Variants in MEI4 observed in about 807,000 individuals in gnomAD.
MEI4 encodes the protein meiosis-specific protein MEI4.
In MEI4, 27 loss-of-function variants were observed where a neutral mutation model predicts 31.4. That is an observed-to-expected ratio of 0.86 (90% confidence interval 0.63 to 1.19). The LOEUF is 1.19. Among genes scored for constraint, MEI4 ranks in the 50% most tolerant of loss-of-function variants. MEI4 has a pLI of 0.00. For synonymous variants in MEI4, 122 were observed against 145.4 expected (o/e 0.84, Z 1.16); for missense variants, 329 against 398.9 (o/e 0.82, Z 1.49).
intron 3 of MEI4, among the ~76,000 whole-genome samples, chr6:77,762,091 T>A (rs1352632101): frequency 6.6e-6 from 1 of 152,176 alleles, no homozygotes; most frequent in Non-Finnish European, 1.5e-5. Context: ...CTGTATTGAA[T>A]TTGCTCTTTT....
chr6:77,704,866 C>T (rs1035200013), intron 2 of MEI4, among the ~76,000 whole-genome samples: 4 of 152,016 alleles, frequency 2.6e-5, no homozygotes, highest in African/African-American at 9.7e-5. Flanking sequence ...GATTTGTAGG[C>T]CGGCTTCTGA....
intron 2 of MEI4, among the ~76,000 whole-genome samples, chr6:77,745,056 A>G (rs920955010): frequency 6.6e-6 from 1 of 152,236 alleles, no homozygotes; most frequent in Non-Finnish European, 1.5e-5. Flanking sequence ...AGGAAACTGC[A>G]TCAACTGAGA....
intron 1 of MEI4, among the ~76,000 whole-genome samples, chr6:77,688,622 A>T (rs961198796): frequency 6.6e-6 from 1 of 152,102 alleles, no homozygotes; most frequent in South Asian, 2.1e-4. Flanking sequence ...TGTTTTTATT[A>T]TCCAGAGAAC....
At chr6:77,685,586 C>A (rs1385310203) in intron 1 of MEI4, among the ~76,000 whole-genome samples, 5 of 152,016 alleles carry the variant, frequency 3.3e-5, no homozygotes, top group Admixed American at 1.3e-4. Flanking sequence ...ACTTTTGTTG[C>A]CTGTCCTTCT....
chr6:77,803,885 G>T (rs1769348764), intron 3 of MEI4, among the ~76,000 whole-genome samples: 1 of 152,174 alleles, frequency 6.6e-6, no homozygotes, highest in African/African-American at 2.4e-5. Flanking sequence ...TGCCCCTACT[G>T]GGGGTTGCCT....
At chr6:77,731,304 T>C (rs1766983467) in intron 2 of MEI4, among the ~76,000 whole-genome samples, 3 of 148,908 alleles carry the variant, frequency 2.0e-5, no homozygotes, top group South Asian at 4.3e-4. Flanking sequence ...TTCCTGACTT[T>C]TTAATGATTG....
intron 2 of MEI4, among the ~76,000 whole-genome samples, chr6:77,692,246 T>C (rs1769171035): frequency 6.6e-6 from 1 of 152,072 alleles, no homozygotes; most frequent in Non-Finnish European, 1.5e-5. Flanking sequence ...ATTCCTTGAC[T>C]CCTCTAGTGG....
Position 77,668,266 on chromosome 6 carries a change from A to G in MEI4, c.-15+15174A>G, listed in dbSNP as rs552603073. On this transcript the variant is annotated intron_variant, in intron 1 of 4. Transcript: ENST00000684080. ...GTTTGCTTTAGGTCCTTGGAGGGTG[A>G]TTTGGGAAAGTGAACATTATACTCT... Among the ~76,000 whole-genome samples the G allele has an allele frequency of 5.3e-5, 8 of 152,290 alleles. No homozygotes were observed. The East Asian group carries it at 1.5e-3, about 29-fold the overall frequency.
intron 2 of MEI4, 92 bp downstream of exon 2, chr6:77,690,995 A>T (rs1769147152): frequency 1.5e-6 from 1 of 668,752 alleles, no homozygotes; most frequent in African/African-American, 1.9e-5. Flanking sequence ...AAACATGAAA[A>T]TTTTTAGTTT....
chr6:77,738,221 G>C (rs142936047), intron 2 of MEI4, among the ~76,000 whole-genome samples: 4 of 152,302 alleles, frequency 2.6e-5, no homozygotes, highest in African/African-American at 9.6e-5. Flanking sequence ...AAATAGTTTA[G>C]AGCCAAGCTG....
At chr6:77,916,225 A>G (rs1423753299) in intron 4 of MEI4, among the ~76,000 whole-genome samples, 1 of 151,624 alleles carries the variant, frequency 6.6e-6, no homozygotes, top group African/African-American at 2.4e-5. Flanking sequence ...TTTAAAATTG[A>G]TATTTTGAAT....
At chr6:77,791,211 G>A (rs555242008) in intron 3 of MEI4, among the ~76,000 whole-genome samples, 122 of 152,180 alleles carry the variant, frequency 8.0e-4, no homozygotes, top group African/African-American at 2.7e-3. Flanking sequence ...AAATCATGCT[G>A]CTATAAAGAC....
rs1028007402 is a variant in MEI4, at chr6:77,761,432, G to A, written c.535G>A (p.Asp179Asn). 1 of 1,231,948 alleles carries A rather than the reference G, an allele frequency of 8.1e-7. No individual in the cohort carries two copies. The highest frequency in any genetic ancestry group is 1.0e-6 in the Non-Finnish European group (1 of 987,920). The allele number at this position is 1,231,948 out of a possible 1,614,324, so 76.3% of individuals were successfully genotyped here. A position where few individuals can be genotyped will look rare whatever the true frequency, so the allele number is the denominator to read the frequency against. The change falls in exon 3 of 5, where the codon GAC becomes AAC. Residue 179 changes from aspartate to asparagine, a missense_variant. Transcript: ENST00000684080. ...AAGAGACTTAACCCACTTTGAAAAA[G>A]ACTCTTCCACAGTCTCTGATTCTGT... Reference protein sequence around the residue: ...LKRDLTHFEKDSSTVSDSVFQ... With the variant: ...LKRDLTHFEKNSSTVSDSVFQ...
chr6:77,732,609 T>C (rs2127668426), intron 2 of MEI4, among the ~76,000 whole-genome samples: 1 of 141,078 alleles, frequency 7.1e-6, no homozygotes, highest in Non-Finnish European at 1.6e-5. Context: ...CCTAATTGAA[T>C]ACCCTTTATT....
intron 3 of MEI4, among the ~76,000 whole-genome samples, chr6:77,827,360 TAAAAAAAAAAAAAAAA>T (rs57446339): frequency 4.4e-5 from 3 of 67,776 alleles, no homozygotes; most frequent in Non-Finnish European, 5.1e-5. Context: ...GACTCCATCT[TAAAAAAAAAAAAAAAA>T]AAAAAAAAAA....
chr6:77,836,684 G>A (rs1269914847), intron 4 of MEI4, among the ~76,000 whole-genome samples: 2 of 151,988 alleles, frequency 1.3e-5, no homozygotes, highest in African/African-American at 4.8e-5. Context: ...ATAAAGAAAA[G>A]TAATCATAGC....
At position 77,672,995 on chromosome 6, in the gene MEI4, ATGATAGATGCTTTTG is replaced by A. The variant is rs1450194882; in HGVS notation, c.-14-17661_-14-17647del. On this transcript the variant is annotated intron_variant, in intron 1 of 4. Coordinates refer to ENST00000684080, the MANE Select transcript of MEI4 (RefSeq NM_001322247.2). ...AGTGCAAACTTTAATAACAGCAATC[ATGATAGATGCTTTTG>A]TTAAGTCAACAATTACCATTGCTAG... 7.9e-5 allele frequency among the ~76,000 whole-genome samples: 12 copies of A among 152,250 alleles called. 1 individual carries two copies.
intron 3 of MEI4, among the ~76,000 whole-genome samples, chr6:77,790,917 G>A (rs1203533440): frequency 2.0e-5 from 3 of 152,164 alleles, no homozygotes; most frequent in South Asian, 2.1e-4. Flanking sequence ...TGCAGCCAAC[G>A]GACACATGAA....
At chr6:77,711,279 A>G (rs1766459476) in intron 2 of MEI4, among the ~76,000 whole-genome samples, 1 of 152,152 alleles carries the variant, frequency 6.6e-6, no homozygotes, top group South Asian at 2.1e-4. Context: ...GAGGTGATAT[A>G]TATGTTAATT....
Sources: allele counts gnomAD v4.1 joint callset (sites outside exome capture counted in the v4.1 genomes callset), GRCh38; gene constraint gnomAD v4.1.1; transcripts MANE v1.5; gene names NCBI Gene and HGNC (gene_info 2026-07-23, HGNC 2026-07-21).